Variants in GC observed in about 807,000 individuals in gnomAD.
The protein encoded by GC is GC vitamin D binding protein.
Under a neutral mutation model 56.7 loss-of-function variants are expected in GC, and 43 were observed. The ratio of observed to expected loss-of-function variants is 0.76; its 90% CI spans 0.59 to 0.98. The LOEUF (loss-of-function observed/expected upper bound fraction) is 0.98, where lower values mean the gene tolerates loss of function less well. GC is among the 50% of genes least tolerant of loss of function. The pLI, the probability that GC is intolerant of heterozygous loss-of-function variation, is 0.00. For synonymous variants in GC, 216 were observed against 202.7 expected, an observed-to-expected ratio of 1.07 and a Z score of -0.56; for missense variants, 529 against 545.9, an observed-to-expected ratio of 0.97 and a Z score of 0.31.
At chr4:71,791,390 G>A (rs1186049611) in intron 1 of GC, among the ~76,000 whole-genome samples, 1 of 151,924 alleles carries the variant, frequency 6.6e-6, no homozygotes, top group East Asian at 1.9e-4. Flanking sequence ...TTGCTTTTAA[G>A]ATGATTACTT....
chr4:71,776,362 T>C (rs1325520312), intron 1 of GC, among the ~76,000 whole-genome samples: 1 of 151,882 alleles, frequency 6.6e-6, no homozygotes, highest in Non-Finnish European at 1.5e-5. Flanking sequence ...TGTGACAACA[T>C]GGATGACCCT....
chr4:71,776,219 T>A (rs1259593221), intron 1 of GC, among the ~76,000 whole-genome samples: 2 of 151,866 alleles, frequency 1.3e-5, no homozygotes, highest in Non-Finnish European at 2.9e-5. Context: ...TACTGTAGCA[T>A]TATTCACAGC....
rs537218225 is a variant in GC, at chr4:71,746,259, T to G, written c.1396-54A>C. The G allele has an allele frequency of 1.2e-5, 10 of 818,366 alleles. No homozygotes were observed. The African/African-American group carries it at 1.6e-4, about 13-fold the overall frequency. The allele number at this position is 818,366 out of a possible 1,614,324, so 50.7% of individuals were successfully genotyped here. On this transcript the variant is annotated intron_variant, in intron 11 of 12. Transcript: ENST00000273951. The stretch of plus-strand genomic sequence containing the variant: ...CTTATGAAGTATTTCATTTGTAGGC[T>G]ACTAGATCATGCAGAAGGTATACAA...
Position 71,751,395 on chromosome 4 carries a change from C to T in GC, c.1395+1123G>A, listed in dbSNP as rs535112329. Among the ~76,000 whole-genome samples the T allele has an allele frequency of 2.0e-5, 3 of 152,282 alleles. No homozygotes were observed. In the South Asian group the frequency reaches 6.2e-4, roughly 32 times the overall value. ...GATGGGCAGAATACAAGATACCAAC[C>T]TAACACTGTGGTTTATAGGAGAAAA... On this transcript the variant is annotated intron_variant, in intron 11 of 12. Transcript: ENST00000273951.
At chr4:71,801,163 G>A (rs1239173791) in intron 1 of GC, among the ~76,000 whole-genome samples, 2 of 152,104 alleles carry the variant, frequency 1.3e-5, no homozygotes, top group East Asian at 3.9e-4. Context: ...TTTTAAATGG[G>A]CAAAGGATCT....
intron 7 of GC, among the ~76,000 whole-genome samples, chr4:71,757,218 TA>T (rs1741807778): frequency 6.6e-6 from 1 of 152,108 alleles, no homozygotes; most frequent in Admixed American, 6.6e-5. Context: ...CAACACAACC[TA>T]AATACAATAG....
intron 11 of GC, among the ~76,000 whole-genome samples, chr4:71,750,389 A>G (rs941946311): frequency 6.6e-6 from 1 of 152,228 alleles, no homozygotes; most frequent in Non-Finnish European, 1.5e-5. Context: ...ATGCACCTCT[A>G]GAAGGAATTA....
chr4:71,790,512 A>G (rs1231149600), intron 1 of GC, among the ~76,000 whole-genome samples: 1 of 151,888 alleles, frequency 6.6e-6, no homozygotes, highest in Non-Finnish European at 1.5e-5. Flanking sequence ...TTTTGAATGT[A>G]CATTCTGATT....
intron 1 of GC, among the ~76,000 whole-genome samples, chr4:71,795,083 T>C (rs1184660183): frequency 6.6e-6 from 1 of 152,204 alleles, no homozygotes; most frequent in Non-Finnish European, 1.5e-5. Context: ...TCCAATTACA[T>C]GGTCAATTTT....
Position 71,775,242 on chromosome 4 carries a change from G to A in GC, c.59-5842C>T, listed in dbSNP as rs566246003. On this transcript the variant is annotated intron_variant, in intron 1 of 12. Transcript: ENST00000273951. ...CAAAATTGTCTTTATTTTCCATGAA[G>A]GTTCTTTCAGGGCAAAGATCATGTC... Among the ~76,000 whole-genome samples the A allele has an allele frequency of 1.6e-4, 25 of 151,692 alleles. No individual in the cohort carries two copies. The South Asian group carries it at 5.0e-3, about 30-fold the overall frequency.
chr4:71,743,294 A>C (rs1185287497), intron 12 of GC, among the ~76,000 whole-genome samples: 1 of 152,218 alleles, frequency 6.6e-6, no homozygotes, highest in Non-Finnish European at 1.5e-5. Context: ...CACATAGCCA[A>C]CCAAAGTTGG....
chr4:71,788,570 C>T (rs1192749476), upstream of GC, among the ~76,000 whole-genome samples: 2 of 127,664 alleles, frequency 1.6e-5, no homozygotes, highest in Non-Finnish European at 3.3e-5. Context: ...ATATACATCA[C>T]TGAAGAGAAA....
intron 1 of GC, among the ~76,000 whole-genome samples, chr4:71,795,819 G>A (rs1209945717): frequency 6.6e-6 from 1 of 152,148 alleles, no homozygotes; most frequent in African/African-American, 2.4e-5. Flanking sequence ...CATGTTTAGT[G>A]CTTCCTTCAA....
At chr4:71,779,657 A>G in intron 1 of GC, among the ~76,000 whole-genome samples, 1 of 151,868 alleles carries the variant, frequency 6.6e-6, no homozygotes, top group Non-Finnish European at 1.5e-5. Context: ...AGGTTTCTTC[A>G]TTTTCTCCTG....
chr4:71,778,199 T>A (rs901533468), intron 1 of GC, among the ~76,000 whole-genome samples: 2 of 151,908 alleles, frequency 1.3e-5, no homozygotes, highest in African/African-American at 4.8e-5. Context: ...TTCTCTAAGA[T>A]GAAAAACACA....
chr4:71,759,721 C>G (rs1483665656), intron 6 of GC: 1 of 111,918 alleles, frequency 8.9e-6, no homozygotes. Context: ...AGTCTTTTAC[C>G]CCTATTTTAA....
chr4:71,762,890 G>A (rs1742029782), intron 6 of GC, among the ~76,000 whole-genome samples: 1 of 152,138 alleles, frequency 6.6e-6, no homozygotes, highest in Non-Finnish European at 1.5e-5. Flanking sequence ...CCAGTTTCGG[G>A]TATGTCTTTA....
chr4:71,752,630 G>T lies in GC; in HGVS notation c.1283C>A (p.Ala428Glu). 6.2e-7 allele frequency: 1 copy of T among 1,613,020 alleles called. No individual in the cohort carries two copies. The highest frequency in any genetic ancestry group is 1.1e-5 in the South Asian group (1 of 91,014). Reference sequence around the variant, plus strand: ...CGTGGGTGTGGCATCAGGCAATTTTGCTTTTAGTCGCTCTGCCAGTCTGAA... The same window carrying T: ...CGTGGGTGTGGCATCAGGCAATTTTTCTTTTAGTCGCTCTGCCAGTCTGAA... ...YKKKLAERLK[A>E]KLPDATPTEL... The change falls in exon 11 of 13, where the codon GCA becomes GAA. Residue 428 changes from alanine (A) to glutamate (E), a missense_variant. By Grantham distance (107) the Ala-to-Glu change is moderately radical (BLOSUM62 -1). Transcript: ENST00000273951.
In GC at chr4:71,773,727, G is replaced by A. The variant is rs142018801; in HGVS notation, c.59-4327C>T. On this transcript the variant is annotated intron_variant, in intron 1 of 12. Transcript: ENST00000273951. ...ATATCATTGACATAAATAAGTGCTC[G>A]TACAGGATGCTAGGAACTATCTCAA... Among the ~76,000 whole-genome samples the A allele has an allele frequency of 6.2e-3, 947 of 152,050 alleles. 6 individuals are homozygous for A. Among genetic ancestry groups the A allele is most frequent in the Non-Finnish European group, 9.5e-3 (647 of 67,946 alleles).
Sources: allele counts gnomAD v4.1 joint callset (sites outside exome capture counted in the v4.1 genomes callset), GRCh38; gene constraint gnomAD v4.1.1; transcripts MANE v1.5; gene names NCBI Gene and HGNC (gene_info 2026-07-23, HGNC 2026-07-21).